Variants in SEMA3C observed in about 807,000 individuals in gnomAD.
The protein encoded by SEMA3C is semaphorin-3C.
A neutral mutation model predicts 89.4 loss-of-function variants in SEMA3C; 47 were observed. The observed-to-expected ratio is 0.53, with a 90% CI of 0.42 to 0.67. The LOEUF is 0.67. SEMA3C is among the 30% of genes least tolerant of loss of function. SEMA3C has a pLI of 0.00. For missense variants in SEMA3C, 839 were observed against 929.1 expected (o/e 0.90, Z 1.26); for synonymous variants, 310 against 320.2 (o/e 0.97, Z 0.34).
At chr7:80,753,010 CAA>C (rs1397245746) in intron 15 of SEMA3C, among the ~76,000 whole-genome samples, 4 of 152,046 alleles carry the variant, frequency 2.6e-5, no homozygotes, top group African/African-American at 4.8e-5. Flanking sequence ...AAATTAATCA[CAA>C]AGTCATTGAT....
chr7:80,886,470 C>T (rs1791481895), intron 2 of SEMA3C, among the ~76,000 whole-genome samples: 1 of 151,842 alleles, frequency 6.6e-6, no homozygotes, highest in Admixed American at 6.6e-5. Flanking sequence ...TCTCCTGTCT[C>T]AGCCTTCTGA....
In SEMA3C at chr7:80,857,970, C is replaced by CT. The variant is rs199819288; in HGVS notation, c.104-29226dup. ...AAGTGGAAAACTCATTCAAATAGAC[C>CT]TTTTTTTTCCATACCAAAACTTCTA... On this transcript the variant is annotated intron_variant, in intron 2 of 17. Transcript: ENST00000265361. Among the ~76,000 whole-genome samples the CT allele has an allele frequency of 2.1e-4, 32 of 151,748 alleles. 1 individual carries two copies. The highest frequency in any genetic ancestry group is 1.6e-3 in the Admixed American group (24 of 15,226).
In SEMA3C at chr7:80,745,258, C is replaced by A. The variant is rs765483267; in HGVS notation, c.1892G>T (p.Arg631Leu). ...TCCTTGGTCAGAACCCTGAACAGAG[C>A]GGATCAGGAGTCCCTGTGAAGTGGC... is the stretch of plus-strand genomic sequence containing the variant. ...IIATSQGLLIRSVQGSDQGLY... is the reference protein window; with the variant it reads ...IIATSQGLLILSVQGSDQGLY... Residue 631 changes from arginine (R) to leucine (L), a missense_variant, in exon 18 of 18, where the codon CGC becomes CTC. Transcript: ENST00000265361. 1.2e-6 allele frequency: 2 copies of A among 1,613,900 alleles called. No individual in the cohort carries two copies. Among genetic ancestry groups the A allele is most frequent in the Non-Finnish European group, 1.7e-6 (2 of 1,179,928 alleles).
intron 2 of SEMA3C, chr7:80,905,956 T>A: frequency 1.0e-6 from 1 of 1,002,258 alleles, no homozygotes; most frequent in South Asian, 1.6e-5. Flanking sequence ...TTTTGTTTTG[T>A]TTTTTTTTTA....
chr7:80,919,147 C>T, upstream of SEMA3C: 11 of 984,620 alleles, frequency 1.1e-5, no homozygotes, highest in Non-Finnish European at 1.3e-5. Flanking sequence ...CGCCGCCCTG[C>T]AGGCTCGCAT....
chr7:80,745,420 G>A (rs961746051), intron 17 of SEMA3C, 113 bp from the exon 18 acceptor site: 26 of 997,214 alleles, frequency 2.6e-5, no homozygotes, highest in Non-Finnish European at 3.8e-5. Context: ...AAAGTATTGA[G>A]CACTACTTAG....
At chr7:80,839,500 C>T (rs969336995) in intron 2 of SEMA3C, among the ~76,000 whole-genome samples, 10 of 151,998 alleles carry the variant, frequency 6.6e-5, no homozygotes, top group Non-Finnish European at 1.2e-4. Context: ...TGTACCTCTG[C>T]TAAATAAACT....
At chr7:80,809,841 G>A (rs1181958771) in intron 6 of SEMA3C, among the ~76,000 whole-genome samples, 1 of 152,068 alleles carries the variant, frequency 6.6e-6, no homozygotes, top group Non-Finnish European at 1.5e-5. Context: ...TACACTAAGG[G>A]AAATAAGCCA....
intron 4 of SEMA3C, among the ~76,000 whole-genome samples, chr7:80,822,342 T>C (rs1475515721): frequency 6.6e-6 from 1 of 150,756 alleles, no homozygotes; most frequent in Non-Finnish European, 1.5e-5. Flanking sequence ...ATTTAGAGAT[T>C]TTCACAGGCA....
chr7:80,866,055 A>C (rs528493545), intron 2 of SEMA3C, among the ~76,000 whole-genome samples: 1 of 152,354 alleles, frequency 6.6e-6, no homozygotes, highest in Non-Finnish European at 1.5e-5. Context: ...TCGTTTAAAT[A>C]ACCTTTATGT....
intron 12 of SEMA3C, among the ~76,000 whole-genome samples, chr7:80,767,369 A>G (rs192764762): frequency 6.6e-6 from 1 of 152,334 alleles, no homozygotes; most frequent in East Asian, 1.9e-4. Context: ...CAGATAGCCA[A>G]AAATTGAGAT....
At chr7:80,778,551 G>A (rs956481109) in intron 12 of SEMA3C, among the ~76,000 whole-genome samples, 5 of 152,122 alleles carry the variant, frequency 3.3e-5, no homozygotes, top group Non-Finnish European at 7.4e-5. Flanking sequence ...TACATAAACT[G>A]GCCTTGAATA....
At chr7:80,782,583 A>G (rs1788715334) in intron 12 of SEMA3C, among the ~76,000 whole-genome samples, 1 of 152,216 alleles carries the variant, frequency 6.6e-6, no homozygotes, top group Admixed American at 6.5e-5. Context: ...ATGAAATCAG[A>G]CAGCATGGGT....
At chr7:80,859,802 C>T (rs1790728057) in intron 2 of SEMA3C, among the ~76,000 whole-genome samples, 1 of 152,048 alleles carries the variant, frequency 6.6e-6, no homozygotes, top group Admixed American at 6.6e-5. Context: ...AGCTCAGTGG[C>T]TGGCTGGCTG....
chr7:80,765,123 T>C (rs769211611), intron 13 of SEMA3C, 32 bp downstream of exon 13: 3 of 1,456,516 alleles, frequency 2.1e-6, no homozygotes, highest in South Asian at 2.3e-5. Context: ...TCATCATGCA[T>C]GTTCTGAGAT....
chr7:80,858,415 T>C (rs575701646), intron 2 of SEMA3C, among the ~76,000 whole-genome samples: 18 of 152,276 alleles, frequency 1.2e-4, no homozygotes, highest in South Asian at 6.2e-4. Context: ...TGTTTAGTTA[T>C]ACAGATGTCC....
intron 2 of SEMA3C, among the ~76,000 whole-genome samples, chr7:80,893,373 C>T (rs1257089694): frequency 6.6e-6 from 1 of 152,164 alleles, no homozygotes; most frequent in Non-Finnish European, 1.5e-5. Flanking sequence ...ATTGTTCTAT[C>T]AGATACACTC....
chr7:80,919,135 C>T (rs1377980771), upstream of SEMA3C: 22 of 984,492 alleles, frequency 2.2e-5, no homozygotes, highest in Non-Finnish European at 2.7e-5. Context: ...GCTGCCCCGG[C>T]GCGCCGCCCT....
At chr7:80,792,318 C>A (rs1314877900) in intron 11 of SEMA3C, among the ~76,000 whole-genome samples, 3 of 152,172 alleles carry the variant, frequency 2.0e-5, no homozygotes, top group African/African-American at 7.2e-5. Flanking sequence ...ACATTGCTCA[C>A]TGCATGAAAA....
Sources: allele counts gnomAD v4.1 joint callset (sites outside exome capture counted in the v4.1 genomes callset), GRCh38; gene constraint gnomAD v4.1.1; transcripts MANE v1.5; gene names NCBI Gene and HGNC (gene_info 2026-07-23, HGNC 2026-07-21).